PCDHA10: variants seen among roughly 807,000 people sequenced by gnomAD.
PCDHA10 encodes protocadherin alpha-10.
Under a neutral mutation model 61.2 loss-of-function variants are expected in PCDHA10, and 45 were observed. The ratio of observed to expected loss-of-function variants is 0.74; its 90% CI spans 0.58 to 0.94. The LOEUF is 0.94. PCDHA10 is among the 40% of genes least tolerant of loss of function. The pLI is 0.00. For missense variants in PCDHA10, 1,278 were observed against 1,236.2 expected (o/e 1.03, Z -0.51); for synonymous variants, 602 against 548.8 (o/e 1.10, Z -1.35).
chr5:140,946,974 G>A (rs1554217987), intron 1 of PCDHA10, among the ~76,000 whole-genome samples: 1 of 151,636 alleles, frequency 6.6e-6, no homozygotes, highest in African/African-American at 2.4e-5. Context: ...TTATAGAATA[G>A]AGGATTTTGA....
chr5:141,010,296 G>C lies in PCDHA10; in HGVS notation c.*359G>C. On this transcript the variant is annotated 3_prime_UTR_variant, in exon 4 of 4. Transcript: ENST00000307360. ...CTGTCTTGATGACACTTGCAGGGCA[G>C]GCTGAAAAGTTTTGAGATTGAGCAG... The C allele has an allele frequency of 1.3e-6, 2 of 1,549,428 alleles. No individual in the cohort carries two copies. The highest frequency in any genetic ancestry group is 1.7e-6 in the Non-Finnish European group (2 of 1,146,352).
chr5:140,855,998 G>T lies in PCDHA10; in HGVS notation c.-51G>T. On this transcript the variant is annotated 5_prime_UTR_variant, in exon 1 of 4. The change abolishes an upstream ATG in the 5' untranslated region. Transcript: ENST00000307360. Reference sequence around the variant, plus strand: ...TAGGACAGAAAATGTCAGATCGTATGTGCGTTCTAGACCGCTGATTCGTCG... The same window carrying T: ...TAGGACAGAAAATGTCAGATCGTATTTGCGTTCTAGACCGCTGATTCGTCG... 1 of 1,511,404 alleles carries T rather than the reference G, an allele frequency of 6.6e-7. No homozygotes were observed. The highest frequency in any genetic ancestry group is 8.9e-7 in the Non-Finnish European group (1 of 1,120,550). 93.6% of individuals were successfully genotyped at this position (1,511,404 alleles called of 1,614,324 possible).
intron 1 of PCDHA10, among the ~76,000 whole-genome samples, chr5:140,937,615 T>TCAAAAAAAAAAAAAAAAAAAAAAAA (rs1472779704): frequency 5.3e-5 from 8 of 149,546 alleles, no homozygotes; most frequent in African/African-American, 2.0e-4. Context: ...ATACTCCATC[T>TCAAAAAAAAAAAAAAAAAAAAAAAA]AAAAAGAAAA....
rs187442653 is a variant in PCDHA10 at position 140,926,080 on chromosome 5, C to T, written c.2389-52869C>T. ...TCCCCTCCTTGTCGTCTCTATTGCC[C>T]TCTTGGCAGCTCCTGGGATACAAGA... On this transcript the variant is annotated intron_variant, in intron 1 of 3. Transcript: ENST00000307360. Among the ~76,000 whole-genome samples, 179 of 152,334 alleles carry T rather than the reference C, an allele frequency of 1.2e-3. 1 individual carries two copies. Among genetic ancestry groups the T allele is most frequent in the African/African-American group, 3.9e-3 (162 of 41,574 alleles).
intron 3 of PCDHA10, among the ~76,000 whole-genome samples, chr5:140,991,686 A>G (rs2097465682): frequency 6.6e-6 from 1 of 152,196 alleles, no homozygotes; most frequent in Non-Finnish European, 1.5e-5. Context: ...AGTCCTCTCT[A>G]GTAGAGCCAT....
intron 1 of PCDHA10, chr5:140,928,983 G>T: frequency 6.2e-7 from 1 of 1,613,838 alleles, no homozygotes; most frequent in Non-Finnish European, 8.5e-7. Flanking sequence ...TATTTCTGGG[G>T]TGCTTACTTT....
At chr5:140,876,921 C>T (rs1554169105) in intron 1 of PCDHA10, 13 of 1,613,926 alleles carry the variant, frequency 8.1e-6, no homozygotes, top group East Asian at 4.5e-5. Context: ...GGGACGCGGA[C>T]GCGCAGAAGA....
chr5:140,882,357 A>G lies in PCDHA10; in HGVS notation c.2388+23921A>G, dbSNP rs1010659037. On this transcript the variant is annotated intron_variant, in intron 1 of 3. Transcript: ENST00000307360. Reference sequence around the variant, plus strand: ...GCAGCCTGGGAGACGGGTAGTGGCCAGCTCCACTACTCCGTCCCCGAGGAA... The same window carrying G: ...GCAGCCTGGGAGACGGGTAGTGGCCGGCTCCACTACTCCGTCCCCGAGGAA... 22 of 1,614,084 alleles carry G rather than the reference A, an allele frequency of 1.4e-5. No individual in the cohort carries two copies. In the Admixed American group the frequency reaches 2.5e-4, roughly 18 times the overall value.
rs1554213921 is a variant in PCDHA10 at position 140,941,202 on chromosome 5, C to CTTTCTTTCTTTCTTT, written c.2389-37747_2389-37746insTTTCTTTCTTTCTTT. Among the ~76,000 whole-genome samples the CTTTCTTTCTTTCTTT allele has an allele frequency of 5.9e-3, 725 of 122,798 alleles. 27 individuals are homozygous for CTTTCTTTCTTTCTTT. The highest frequency in any genetic ancestry group is 0.024 in the East Asian group (107 of 4,522). The allele number at this position is 122,798 out of a possible 152,430, so 80.6% of individuals were successfully genotyped here. ...TCCTGCTTCTTTTTTTTTCTTTCTTCCTTTCTTTCTTCCTTTCTTTCTTTC... is the reference window on the plus strand; with the variant it reads ...TCCTGCTTCTTTTTTTTTCTTTCTTCTTTCTTTCTTTCTTTCTTTCTTTCTTCCTTTCTTTCTTTC... On this transcript the variant is annotated intron_variant, in intron 1 of 3. Coordinates refer to ENST00000307360, the MANE Select transcript of PCDHA10 (RefSeq NM_018901.4).
Position 140,857,805 on chromosome 5 carries a change from C to CG in PCDHA10, c.1760dup (p.His588SerfsTer5). The CG allele has an allele frequency of 6.3e-7, 1 of 1,597,714 alleles. No individual in the cohort carries two copies. The highest frequency in any genetic ancestry group is 8.6e-7 in the Non-Finnish European group (1 of 1,167,586). On this transcript the variant is annotated frameshift_variant, in exon 1 of 4. Transcript: ENST00000307360. LOFTEE classifies it high-confidence loss of function. ...GAGCTGGTGCTGCGGTCGGTGGTTG[C>CG]GGGTCACGTGGTGGCTAAGGTGCGC...
At chr5:140,961,872 G>A (rs2095639337) in intron 1 of PCDHA10, among the ~76,000 whole-genome samples, 1 of 151,532 alleles carries the variant, frequency 6.6e-6, no homozygotes, top group Non-Finnish European at 1.5e-5. Flanking sequence ...ACAGATAATT[G>A]ACTTACTTAC....
chr5:140,979,807 A>T (rs376087021), intron 2 of PCDHA10, among the ~76,000 whole-genome samples: 2 of 152,258 alleles, frequency 1.3e-5, no homozygotes, highest in African/African-American at 4.8e-5. Flanking sequence ...CACAACTATC[A>T]AAAGGATTTA....
intron 1 of PCDHA10, among the ~76,000 whole-genome samples, chr5:140,972,152 A>T (rs1481801555): frequency 6.6e-6 from 1 of 151,770 alleles, no homozygotes; most frequent in African/African-American, 2.4e-5. Context: ...TTTTATTTTT[A>T]TTTTTTTGAG....
chr5:140,909,601 C>G (rs1554193864), intron 1 of PCDHA10, among the ~76,000 whole-genome samples: 1 of 152,170 alleles, frequency 6.6e-6, no homozygotes, highest in Non-Finnish European at 1.5e-5. Context: ...TACTATTTTT[C>G]TAGGTAGAGG....
At chr5:140,920,136 C>T (rs1554199437) in intron 1 of PCDHA10, among the ~76,000 whole-genome samples, 1 of 152,182 alleles carries the variant, frequency 6.6e-6, no homozygotes, top group African/African-American at 2.4e-5. Flanking sequence ...TTTAATTCTC[C>T]TCTCCAAACC....
rs552891884 is a variant in PCDHA10 at position 140,857,764 on chromosome 5, G to A, written c.1716G>A (p.Ala572=). The A allele has an allele frequency of 3.8e-6, 6 of 1,597,520 alleles. 2 individuals carry two copies. In the African/African-American group the frequency reaches 5.4e-5, roughly 14 times the overall value. Residue 572 remains alanine (A), a synonymous_variant, in exon 1 of 4, where the codon GCG becomes GCA. Coordinates refer to ENST00000307360, the MANE Select transcript of PCDHA10 (RefSeq NM_018901.4). The part of the protein sequence containing the change: ...PALLASPAGS[A]GGAVSELVLR... ...TGCTGGCGTCTCCCGCTGGCAGCGC[G>A]GGCGGTGCAGTCAGTGAGCTGGTGC...
intron 1 of PCDHA10, among the ~76,000 whole-genome samples, chr5:140,917,252 C>T (rs536856521): frequency 3.2e-4 from 47 of 149,018 alleles, no homozygotes; most frequent in Non-Finnish European, 4.9e-4. Flanking sequence ...TACGATTGCT[C>T]ACCTGATGTT....
chr5:140,875,946 T>C, intron 1 of PCDHA10: 1 of 1,614,222 alleles, frequency 6.2e-7, no homozygotes, highest in Admixed American at 1.7e-5. Context: ...AGGGCGCTTC[T>C]GATGCGGATA....
chr5:140,961,793 A>G (rs1554225592), intron 1 of PCDHA10, among the ~76,000 whole-genome samples: 2 of 152,166 alleles, frequency 1.3e-5, no homozygotes, highest in Admixed American at 1.3e-4. Flanking sequence ...TTTTTAAAAG[A>G]TAGGAAATTG....
Sources: gnomAD v4.1 joint callset for allele counts (sites outside exome capture counted in the v4.1 genomes callset) on GRCh38, gnomAD v4.1.1 for gene constraint, MANE v1.5 for transcripts, NCBI Gene and HGNC (gene_info 2026-07-23, HGNC 2026-07-21) for gene names.